TRIO: variants seen among roughly 807,000 people sequenced by gnomAD.
TRIO encodes triple functional domain protein.
In TRIO, 58 loss-of-function variants were observed where a neutral mutation model predicts 351.9. That is an observed-to-expected ratio of 0.16 (90% CI 0.13 to 0.21). The LOEUF is 0.21. Among genes scored for constraint, TRIO ranks in the 10% least tolerant of loss-of-function variants. TRIO has a pLI of 1.00. For synonymous variants in TRIO, 1,758 were observed against 1,595.7 expected, an observed-to-expected ratio of 1.10 and a Z score of -2.42; for missense variants, 3,201 against 4,027.8, an observed-to-expected ratio of 0.79 and a Z score of 5.56.
chr5:14,471,765 T>C (rs996479610), intron 38 of TRIO, among the ~76,000 whole-genome samples: 1 of 152,194 alleles, frequency 6.6e-6, no homozygotes, highest in African/African-American at 2.4e-5. Flanking sequence ...CATGTGATTG[T>C]GAAAGAAAAA....
chr5:14,159,282 T>A (rs1043991768), intron 1 of TRIO, among the ~76,000 whole-genome samples: 12 of 151,362 alleles, frequency 7.9e-5, no homozygotes, highest in Admixed American at 2.0e-4. Flanking sequence ...TTGGAAATTT[T>A]GTGGAAAAAC....
intron 1 of TRIO, among the ~76,000 whole-genome samples, chr5:14,176,854 C>A (rs1262330830): frequency 6.6e-6 from 1 of 152,182 alleles, no homozygotes; most frequent in Non-Finnish European, 1.5e-5. Flanking sequence ...TTTAATTTTT[C>A]TTAAGTCACA....
At chr5:14,172,272 G>T (rs1002606763) in intron 1 of TRIO, among the ~76,000 whole-genome samples, 1 of 152,208 alleles carries the variant, frequency 6.6e-6, no homozygotes, top group Non-Finnish European at 1.5e-5. Flanking sequence ...TAGCCAAGCA[G>T]TACTTGCCCC....
intron 7 of TRIO, among the ~76,000 whole-genome samples, chr5:14,300,173 T>G (rs1300336588): frequency 6.6e-6 from 1 of 152,226 alleles, no homozygotes; most frequent in Non-Finnish European, 1.5e-5. Context: ...ATGTGGTATA[T>G]CCACAGGACA....
At chr5:14,245,335 C>T (rs980117646) in intron 1 of TRIO, among the ~76,000 whole-genome samples, 1 of 152,194 alleles carries the variant, frequency 6.6e-6, no homozygotes, top group Non-Finnish European at 1.5e-5. Context: ...GAACATTCTT[C>T]TTGAATGTGT....
intron 1 of TRIO, among the ~76,000 whole-genome samples, chr5:14,157,432 T>C (rs1363831534): frequency 7.2e-6 from 1 of 138,034 alleles, no homozygotes; most frequent in East Asian, 2.2e-4. Context: ...TCCCTCTCTC[T>C]CCCTGTCTCC....
At chr5:14,196,288 T>C (rs1162436595) in intron 1 of TRIO, among the ~76,000 whole-genome samples, 1 of 151,946 alleles carries the variant, frequency 6.6e-6, no homozygotes, top group African/African-American at 2.4e-5. Flanking sequence ...CTGGGCGTGG[T>C]GGCGTGCTCC....
chr5:14,255,294 C>T (rs1056689590), intron 1 of TRIO, among the ~76,000 whole-genome samples: 1 of 152,126 alleles, frequency 6.6e-6, no homozygotes, highest in Non-Finnish European at 1.5e-5. Flanking sequence ...TATCTCTAGG[C>T]GTAGAGATCC....
At chr5:14,317,111 T>C (rs1739443609) in intron 9 of TRIO, among the ~76,000 whole-genome samples, 2 of 152,224 alleles carry the variant, frequency 1.3e-5, no homozygotes, top group African/African-American at 4.8e-5. Flanking sequence ...AGTGAGGTGG[T>C]CATGCTTCAC....
At chr5:14,347,105 A>T (rs1742493739) in intron 11 of TRIO, among the ~76,000 whole-genome samples, 1 of 119,330 alleles carries the variant, frequency 8.4e-6, no homozygotes, top group Admixed American at 8.5e-5. Context: ...GGTCCTGCAG[A>T]ACAGAGATGA....
intron 1 of TRIO, among the ~76,000 whole-genome samples, chr5:14,240,647 G>A (rs1581425379): frequency 6.6e-6 from 1 of 152,200 alleles, no homozygotes; most frequent in Non-Finnish European, 1.5e-5. Context: ...TGGGGTGTGA[G>A]TCTGACATCA....
At position 14,226,963 on chromosome 5, in the gene TRIO, G is replaced by A. The variant is rs1793084388; in HGVS notation, c.158-43862G>A. The stretch of plus-strand genomic sequence containing the variant: ...CTTAAAGTAGGAGTCCAGGAGGGAG[G>A]AACACAATCTGAAGACAAGCGTCCT... On this transcript the variant is annotated intron_variant, in intron 1 of 56. Transcript: ENST00000344204. Among the ~76,000 whole-genome samples the A allele has an allele frequency of 2.8e-5, 4 of 144,290 alleles. No homozygotes were observed. In the South Asian group the frequency reaches 8.9e-4, roughly 32 times the overall value. 94.7% of individuals were successfully genotyped at this position (144,290 alleles called of 152,430 possible). A position where few individuals can be genotyped will look rare whatever the true frequency, so the allele number is the denominator to read the frequency against.
intron 18 of TRIO, among the ~76,000 whole-genome samples, chr5:14,372,352 A>G (rs777575568): frequency 6.6e-6 from 1 of 152,006 alleles, no homozygotes; most frequent in Non-Finnish European, 1.5e-5. Context: ...CATAATGTCT[A>G]GTTCTCTCTT....
intron 34 of TRIO, among the ~76,000 whole-genome samples, chr5:14,436,752 C>T (rs568254567): frequency 6.6e-6 from 1 of 152,342 alleles, no homozygotes; most frequent in African/African-American, 2.4e-5. Context: ...AATCTTAAAA[C>T]TCAGAAATGA....
chr5:14,387,907 G>C, intron 23 of TRIO, 60 bp downstream of exon 23: 1 of 1,546,496 alleles, frequency 6.5e-7, no homozygotes, highest in Non-Finnish European at 8.9e-7. Context: ...AATGTCATTT[G>C]GACAGACATG....
chr5:14,313,474 T>G (rs1193003277), intron 8 of TRIO, among the ~76,000 whole-genome samples: 3 of 152,228 alleles, frequency 2.0e-5, no homozygotes, highest in African/African-American at 7.2e-5. Flanking sequence ...ATTAATGGTG[T>G]CACAGGGATG....
rs1747843787 is a variant in TRIO at position 14,398,987 on chromosome 5, C to T, written c.4531C>T (p.Leu1511Phe). The change falls in exon 30 of 57, where the codon CTT becomes TTT. Residue 1511 changes from leucine to phenylalanine, a missense_variant. By Grantham distance (22) the Leu-to-Phe change is conservative. Transcript: ENST00000344204. The part of the protein sequence containing the change: ...IRKGRERHLF[L>F]FEMSLVFSKE... ...AAAGGGTCGAGAACGGCATCTCTTC[C>T]TTTTTGAAATGTCCTTAGTATTTAG... 6.2e-7 allele frequency: 1 copy of T among 1,614,144 alleles called. No individual in the cohort carries two copies. Among genetic ancestry groups the T allele is most frequent in the East Asian group, 2.2e-5 (1 of 44,868 alleles).
intron 1 of TRIO, among the ~76,000 whole-genome samples, chr5:14,180,772 A>G (rs924585914): frequency 2.6e-5 from 4 of 152,072 alleles, no homozygotes; most frequent in South Asian, 4.1e-4. Context: ...TGAAGCTGCA[A>G]TGAGCTCTGA....
At position 14,406,575 on chromosome 5, in the gene TRIO, A is replaced by G. The variant is rs751338228; in HGVS notation, c.4862A>G (p.Asp1621Gly). ...APATRQKGRRDGEDLDSQGDG... is the reference protein window; with the variant it reads ...APATRQKGRRGGEDLDSQGDG... ...TAAAAGTTTCTTTGCACCGCCAGGG[A>G]TGGAGAGGATCTGGACAGCCAAGGA... Residue 1621 changes from aspartate to glycine, a missense_variant and splice_region_variant, in exon 33 of 57, where the codon GAT becomes GGT. Coordinates refer to ENST00000344204, the MANE Select transcript of TRIO (RefSeq NM_007118.4). The G allele has an allele frequency of 1.9e-6, 3 of 1,613,984 alleles. No individual in the cohort carries two copies. Among genetic ancestry groups the G allele is most frequent in the Non-Finnish European group, 2.5e-6 (3 of 1,179,932 alleles).
Sources: allele counts gnomAD v4.1 joint callset (sites outside exome capture counted in the v4.1 genomes callset), GRCh38; gene constraint gnomAD v4.1.1; transcripts MANE v1.5; gene names NCBI Gene and HGNC (gene_info 2026-07-23, HGNC 2026-07-21).